ADAMTSL1: variants seen among roughly 807,000 people sequenced by gnomAD.
ADAMTSL1 encodes ADAMTS like 1.
In ADAMTSL1, 126 loss-of-function variants were observed where a neutral mutation model predicts 201.8. That is an observed-to-expected ratio of 0.62 (90% CI 0.54 to 0.72). ADAMTSL1 has a LOEUF of 0.72. Ranked by LOEUF, ADAMTSL1 falls within the 30% of genes least tolerant of loss-of-function variation. The pLI is 0.00. For missense variants in ADAMTSL1, 2,679 were observed against 2,277.8 expected (o/e 1.18, Z -3.59); for synonymous variants, 1,121 against 903.4 (o/e 1.24, Z -4.32).
chr9:17,908,513 G>A (rs1257125363), intron 1 of ADAMTSL1, among the ~76,000 whole-genome samples: 1 of 151,962 alleles, frequency 6.6e-6, no homozygotes, highest in Non-Finnish European at 1.5e-5. Context: ...CTGGAGTGCA[G>A]TGGTGTGACC....
intron 1 of ADAMTSL1, among the ~76,000 whole-genome samples, chr9:17,915,855 A>T (rs1327232470): frequency 6.6e-6 from 1 of 152,126 alleles, no homozygotes; most frequent in African/African-American, 2.4e-5. Context: ...TAAAATTTCT[A>T]TTCAAATATT....
intron 1 of ADAMTSL1, among the ~76,000 whole-genome samples, chr9:17,998,171 A>C (rs1819460505): frequency 6.6e-6 from 1 of 152,126 alleles, no homozygotes; most frequent in Admixed American, 6.6e-5. Context: ...GTGTTAAAAG[A>C]ATACATATTT....
At chr9:18,133,316 T>TGCTCTGACTCCAGATTGCCAGTCCC (rs1375742946) in intron 1 of ADAMTSL1, among the ~76,000 whole-genome samples, 1 of 152,130 alleles carries the variant, frequency 6.6e-6, no homozygotes. Context: ...CAGCCAGTTT[T>TGCTCTGACTCCAGATTGCCAGTCCC]GCTCTGACTC....
intron 3 of ADAMTSL1, among the ~76,000 whole-genome samples, chr9:18,556,455 C>G (rs138489472): frequency 1.4e-4 from 21 of 152,036 alleles, no homozygotes; most frequent in Admixed American, 4.6e-4. Context: ...CTTTCCCCTT[C>G]TTTACCTTTA....
chr9:18,613,277 G>T (rs1287729574), intron 4 of ADAMTSL1, among the ~76,000 whole-genome samples: 1 of 152,180 alleles, frequency 6.6e-6, no homozygotes, highest in African/African-American at 2.4e-5. Flanking sequence ...GTGTAAATTA[G>T]TTCAAGCATT....
intron 1 of ADAMTSL1, among the ~76,000 whole-genome samples, chr9:18,078,243 C>T (rs1346819941): frequency 1.3e-5 from 2 of 152,054 alleles, no homozygotes; most frequent in Non-Finnish European, 2.9e-5. Flanking sequence ...TCCCATTGTG[C>T]CTTTTATAGT....
intron 3 of ADAMTSL1, among the ~76,000 whole-genome samples, chr9:18,549,051 G>A (rs1332367413): frequency 6.6e-6 from 1 of 151,904 alleles, no homozygotes; most frequent in Middle Eastern, 3.2e-3. Context: ...AGTGTTCAAT[G>A]AGAAGGGGCA....
rs59512705 is a variant in ADAMTSL1 at position 18,099,636 on chromosome 9, C to T, written c.88-64226C>T. Among the ~76,000 whole-genome samples the T allele has an allele frequency of 8.7e-3, 1,159 of 133,978 alleles. 36 individuals are homozygous for T. The highest frequency in any genetic ancestry group is 0.06 in the Admixed American group (792 of 13,238). 87.9% of individuals were successfully genotyped at this position (133,978 alleles called of 152,430 possible). A position where few individuals can be genotyped will look rare whatever the true frequency, so the allele number is the denominator to read the frequency against. On this transcript the variant is annotated intron_variant, in intron 1 of 29. Coordinates refer to the ADAMTSL1 transcript ENST00000680146. Reference sequence around the variant, plus strand: ...TCTTTCTTCCTTTTTCTCTCTCTCCCTTTTTTTTTTTTTTTTCTTGAGATG... The same window carrying T: ...TCTTTCTTCCTTTTTCTCTCTCTCCTTTTTTTTTTTTTTTTTCTTGAGATG...
chr9:18,613,751 G>A (rs1301758346), intron 4 of ADAMTSL1, among the ~76,000 whole-genome samples: 1 of 152,046 alleles, frequency 6.6e-6, no homozygotes, highest in Non-Finnish European at 1.5e-5. Context: ...GTGAGAGGAG[G>A]GACAGGATCA....
At chr9:18,228,752 G>T (rs1830525785) in intron 2 of ADAMTSL1, among the ~76,000 whole-genome samples, 1 of 152,162 alleles carries the variant, frequency 6.6e-6, no homozygotes, top group Non-Finnish European at 1.5e-5. Flanking sequence ...CACAGGAAAT[G>T]GAAGTATAAG....
chr9:18,086,090 G>A (rs1194271135), intron 1 of ADAMTSL1, among the ~76,000 whole-genome samples: 1 of 152,112 alleles, frequency 6.6e-6, no homozygotes, highest in Non-Finnish European at 1.5e-5. Context: ...CCAAAGGAAG[G>A]AAGAATGTGA....
chr9:18,888,571 C>CCAGGAAAA (rs1429705433), intron 24 of ADAMTSL1, among the ~76,000 whole-genome samples: 1 of 152,212 alleles, frequency 6.6e-6, no homozygotes, highest in African/African-American at 2.4e-5. Context: ...CATTAACCTT[C>CCAGGAAAA]CAGGAAAACA....
At chr9:17,963,821 C>G (rs545151239) in intron 1 of ADAMTSL1, among the ~76,000 whole-genome samples, 1 of 152,176 alleles carries the variant, frequency 6.6e-6, no homozygotes, top group Admixed American at 6.6e-5. Context: ...GAAAAGAATT[C>G]TAACCCCATC....
intron 2 of ADAMTSL1, among the ~76,000 whole-genome samples, chr9:18,437,431 C>T (rs1170027530): frequency 6.6e-6 from 1 of 152,148 alleles, no homozygotes; most frequent in African/African-American, 2.4e-5. Context: ...TCATGACAGA[C>T]TGCAGTCTAT....
Position 18,590,763 on chromosome 9 carries a change from A to G in ADAMTSL1, c.474+16497A>G, listed in dbSNP as rs1328757586. Among the ~76,000 whole-genome samples, 5 of 151,886 alleles carry G rather than the reference A, an allele frequency of 3.3e-5. No homozygotes were observed. In the East Asian group the frequency reaches 9.6e-4, roughly 29 times the overall value. ...ATTTTTAAAAATTCCTTCTTTATGT[A>G]TTGACTCAGTAAGCATTCAGGAGCA... is the stretch of plus-strand genomic sequence containing the variant. On this transcript the variant is annotated intron_variant, in intron 4 of 28. Transcript: ENST00000380548.
chr9:18,655,011 G>A (rs1001674004), intron 7 of ADAMTSL1, among the ~76,000 whole-genome samples: 1 of 152,216 alleles, frequency 6.6e-6, no homozygotes, highest in African/African-American at 2.4e-5. Context: ...AGGCTGGGGG[G>A]ACCCCTGACT....
At chr9:17,983,479 A>C (rs1818807278) in intron 1 of ADAMTSL1, among the ~76,000 whole-genome samples, 1 of 152,164 alleles carries the variant, frequency 6.6e-6, no homozygotes, top group Non-Finnish European at 1.5e-5. Flanking sequence ...TTTAGTGTCA[A>C]AATAAAAAAA....
intron 2 of ADAMTSL1, among the ~76,000 whole-genome samples, chr9:18,410,770 G>C (rs995467728): frequency 1.3e-5 from 2 of 151,580 alleles, no homozygotes; most frequent in African/African-American, 4.9e-5. Flanking sequence ...TGGTATTTCT[G>C]CCTCTATGTC....
intron 2 of ADAMTSL1, among the ~76,000 whole-genome samples, chr9:18,425,315 C>A (rs1315425165): frequency 6.6e-6 from 1 of 152,118 alleles, no homozygotes; most frequent in Non-Finnish European, 1.5e-5. Context: ...TTGAGTAGAA[C>A]AACCTTGGCA....
Sources: gnomAD v4.1 joint callset for allele counts (sites outside exome capture counted in the v4.1 genomes callset) on GRCh38, gnomAD v4.1.1 for gene constraint, MANE v1.5 for transcripts, NCBI Gene and HGNC (gene_info 2026-07-23, HGNC 2026-07-21) for gene names.